Variants in C8orf34 observed in about 807,000 individuals in gnomAD.
The protein encoded by C8orf34 is chromosome 8 open reading frame 34.
C8orf34 carries 65 observed loss-of-function variants against 68.3 expected under a neutral mutation model. The observed-to-expected ratio is 0.95, with a 90% CI of 0.78 to 1.17. The LOEUF (loss-of-function observed/expected upper bound fraction) is 1.17, where lower values mean the gene tolerates loss of function less well. Among genes scored for constraint, C8orf34 ranks in the 50% most tolerant of loss-of-function variants. C8orf34 has a pLI of 0.00. For missense variants in C8orf34, 664 were observed against 655.4 expected, an observed-to-expected ratio of 1.01 and a Z score of -0.14; for synonymous variants, 244 against 241.2, an observed-to-expected ratio of 1.01 and a Z score of -0.11.
At chr8:68,601,970 G>C (rs939390460) in intron 7 of C8orf34, among the ~76,000 whole-genome samples, 18 of 152,050 alleles carry the variant, frequency 1.2e-4, no homozygotes, top group Non-Finnish European at 2.2e-4. Context: ...TCTCTCACAC[G>C]GCCTCACGGA....
At chr8:68,467,543 G>C (rs1420443076) in intron 3 of C8orf34, among the ~76,000 whole-genome samples, 1 of 151,812 alleles carries the variant, frequency 6.6e-6, no homozygotes, top group African/African-American at 2.4e-5. Context: ...ACTGCCTTTT[G>C]AGACTGTCTT....
intron 1 of C8orf34, among the ~76,000 whole-genome samples, chr8:68,371,225 C>A (rs1377973910): frequency 6.6e-6 from 1 of 152,194 alleles, no homozygotes; most frequent in African/African-American, 2.4e-5. Context: ...AATGCCATAA[C>A]TTTTATATTT....
chr8:68,783,840 AAATT>A (rs1324571841), intron 11 of C8orf34, among the ~76,000 whole-genome samples: 1 of 152,178 alleles, frequency 6.6e-6, no homozygotes, highest in African/African-American at 2.4e-5. Flanking sequence ...AAAACTTTCT[AAATT>A]AACCGAAACC....
At position 68,818,335 on chromosome 8, in the gene C8orf34, A is replaced by G. The variant is rs376421977; in HGVS notation, c.*89A>G. 403 of 1,375,746 alleles carry G rather than the reference A, an allele frequency of 2.9e-4. 2 individuals are homozygous for G. In the East Asian group the frequency reaches 6.8e-3, roughly 23 times the overall value. The allele number at this position is 1,375,746 out of a possible 1,614,324, so 85.2% of individuals were successfully genotyped here. A position where few individuals can be genotyped will look rare whatever the true frequency, so the allele number is the denominator to read the frequency against. On this transcript the variant is annotated 3_prime_UTR_variant, in exon 14 of 14. Coordinates refer to ENST00000518698, the MANE Select transcript of C8orf34 (RefSeq NM_052958.4). ...GTTCTAATTTTATTTACTATGTGTA[A>G]TCATTTAGAGAATGGTTATTTTTAT...
intron 1 of C8orf34, among the ~76,000 whole-genome samples, chr8:68,331,785 T>TTTTTTTTC (rs1403514242): frequency 3.1e-4 from 13 of 42,092 alleles, no homozygotes; most frequent in Non-Finnish European, 6.2e-4. Context: ...CTTTCCTTCT[T>TTTTTTTTC]TTTTTTTTTT....
chr8:68,686,849 A>G (rs559485123), intron 8 of C8orf34, among the ~76,000 whole-genome samples: 4 of 152,260 alleles, frequency 2.6e-5, no homozygotes, highest in South Asian at 2.1e-4. Context: ...CTGTTCACCA[A>G]TGATATTATC....
At position 68,609,434 on chromosome 8, in the gene C8orf34, C is replaced by A. The variant is rs543190096; in HGVS notation, c.1106-30942C>A. ...AACTAAGAATGTAAACTTGAAGAAT[C>A]TCGAAATGAACTTCATGAAAGAGAA... On this transcript the variant is annotated intron_variant, in intron 7 of 13. Coordinates refer to ENST00000518698, the MANE Select transcript of C8orf34 (RefSeq NM_052958.4). 2.6e-5 allele frequency among the ~76,000 whole-genome samples: 4 copies of A among 152,180 alleles called. No homozygotes were observed. The South Asian group carries it at 8.3e-4, about 32-fold the overall frequency.
chr8:68,573,530 A>G (rs548147782), intron 7 of C8orf34, among the ~76,000 whole-genome samples: 1 of 152,256 alleles, frequency 6.6e-6, no homozygotes, highest in South Asian at 2.1e-4. Context: ...TATTCGTTGT[A>G]CTAATAAGAT....
chr8:68,676,675 A>G (rs1430019579), intron 8 of C8orf34, among the ~76,000 whole-genome samples: 1 of 152,194 alleles, frequency 6.6e-6, no homozygotes, highest in Non-Finnish European at 1.5e-5. Context: ...AAAATCTATA[A>G]ATTTTTAAAA....
chr8:68,434,763 G>A (rs1304987571), intron 1 of C8orf34, among the ~76,000 whole-genome samples: 1 of 152,006 alleles, frequency 6.6e-6, no homozygotes, highest in East Asian at 1.9e-4. Context: ...AGAGAACATT[G>A]AGGCTGGGCG....
At chr8:68,721,922 T>A (rs1341169328) in intron 10 of C8orf34, among the ~76,000 whole-genome samples, 1 of 151,986 alleles carries the variant, frequency 6.6e-6, no homozygotes, top group African/African-American at 2.4e-5. Context: ...AAAAATAAAT[T>A]TTTTACAAAT....
intron 10 of C8orf34, among the ~76,000 whole-genome samples, chr8:68,772,027 C>T (rs1428088413): frequency 6.6e-6 from 1 of 152,046 alleles, no homozygotes; most frequent in African/African-American, 2.4e-5. Flanking sequence ...TTTATGGGCC[C>T]CTTGGGTTAG....
At chr8:68,397,727 G>A (rs899058675) in intron 1 of C8orf34, among the ~76,000 whole-genome samples, 2 of 152,054 alleles carry the variant, frequency 1.3e-5, no homozygotes, top group Middle Eastern at 3.4e-3. Context: ...GTGCTGCACT[G>A]CATGAAAGCC....
At chr8:68,738,464 C>T (rs1822184548) in intron 10 of C8orf34, among the ~76,000 whole-genome samples, 2 of 151,586 alleles carry the variant, frequency 1.3e-5, no homozygotes, top group Non-Finnish European at 1.5e-5. Context: ...GAAGGAAACA[C>T]AGGCATGAAA....
chr8:68,749,213 A>T (rs1822619646), intron 10 of C8orf34, among the ~76,000 whole-genome samples: 1 of 151,964 alleles, frequency 6.6e-6, no homozygotes, highest in South Asian at 2.1e-4. Flanking sequence ...CAGGAAGGGG[A>T]ACATCACACT....
At chr8:68,678,013 A>G (rs1453636154) in intron 8 of C8orf34, among the ~76,000 whole-genome samples, 1 of 152,170 alleles carries the variant, frequency 6.6e-6, no homozygotes. Context: ...GACACATACA[A>G]CATACCAAGA....
chr8:68,400,663 T>A (rs1257769348), intron 1 of C8orf34, among the ~76,000 whole-genome samples: 1 of 152,104 alleles, frequency 6.6e-6, no homozygotes, highest in African/African-American at 2.4e-5. Context: ...TGGGCTTAGG[T>A]GATCCTCCTG....
At chr8:68,501,880 G>T (rs1322682315) in intron 5 of C8orf34, among the ~76,000 whole-genome samples, 1 of 152,000 alleles carries the variant, frequency 6.6e-6, no homozygotes, top group East Asian at 1.9e-4. Context: ...ATACACATAG[G>T]TACAAAGGGT....
chr8:68,331,476 A>T (rs2129617609), intron 1 of C8orf34, 137 bp downstream of exon 1: 2 of 928,328 alleles, frequency 2.2e-6, no homozygotes, highest in Non-Finnish European at 1.7e-6. Context: ...GCGCCCTGGG[A>T]TTCACTGGCA....
Sources: gnomAD v4.1 joint callset for allele counts (sites outside exome capture counted in the v4.1 genomes callset) on GRCh38, gnomAD v4.1.1 for gene constraint, MANE v1.5 for transcripts, NCBI Gene and HGNC (gene_info 2026-07-23, HGNC 2026-07-21) for gene names.